MAPT: variants seen among roughly 807,000 people sequenced by gnomAD.
The protein encoded by MAPT is microtubule associated protein tau, also known as microtubule-associated protein tau.
MAPT carries 34 observed loss-of-function variants against 67.9 expected under a neutral mutation model. That is an observed-to-expected ratio of 0.50 (90% CI 0.38 to 0.67). MAPT has a LOEUF of 0.67. Among genes scored for constraint, MAPT ranks in the 30% least tolerant of loss-of-function variants. MAPT has a pLI of 0.00. For synonymous variants in MAPT, 456 were observed against 464.5 expected, an observed-to-expected ratio of 0.98 and a Z score of 0.23; for missense variants, 881 against 1,115.2, an observed-to-expected ratio of 0.79 and a Z score of 2.99.
intron 12 of MAPT, among the ~76,000 whole-genome samples, chr17:46,020,069 C>T (rs2146175019): frequency 6.7e-6 from 1 of 150,228 alleles, no homozygotes; most frequent in East Asian, 2.0e-4. Context: ...TTGCAGGCAA[C>T]TAAAAAAGGA....
intron 1 of MAPT, among the ~76,000 whole-genome samples, chr17:45,920,543 G>A (rs138593140): frequency 1.3e-5 from 2 of 152,252 alleles, no homozygotes; most frequent in East Asian, 1.9e-4. Context: ...CTGCTGAGCC[G>A]TGCACCTTCT....
chr17:45,962,170 G>A (rs1371151652), intron 1 of MAPT, among the ~76,000 whole-genome samples, 151 bp from the exon 2 acceptor site: 1 of 152,198 alleles, frequency 6.6e-6, no homozygotes, highest in African/African-American at 2.4e-5. Flanking sequence ...ATGGAGCACG[G>A]GATGAGGATG....
At chr17:45,957,041 A>G (rs1298421249) in intron 1 of MAPT, among the ~76,000 whole-genome samples, 2 of 152,108 alleles carry the variant, frequency 1.3e-5, no homozygotes, top group Non-Finnish European at 2.9e-5. Context: ...TATTGTGAAT[A>G]GTGCCGCAAT....
chr17:46,001,005 G>A (rs1009333928), intron 9 of MAPT, among the ~76,000 whole-genome samples: 2 of 152,208 alleles, frequency 1.3e-5, no homozygotes, highest in Non-Finnish European at 2.9e-5. Context: ...AAGGCAGAAG[G>A]ATCACTTGAG....
intron 12 of MAPT, among the ~76,000 whole-genome samples, chr17:46,022,342 A>AAT (rs1214715917): frequency 1.4e-5 from 2 of 146,754 alleles, no homozygotes. Context: ...TGACAAGGTG[A>AAT]ATCTTTGTCT....
At chr17:45,939,655 C>G (rs1030383495) in intron 1 of MAPT, among the ~76,000 whole-genome samples, 1 of 152,194 alleles carries the variant, frequency 6.6e-6, no homozygotes, top group Non-Finnish European at 1.5e-5. Context: ...ATTACTCGCT[C>G]TTTCTCTTGA....
At chr17:45,994,762 G>A (rs1184695561) in intron 8 of MAPT, among the ~76,000 whole-genome samples, 4 of 152,312 alleles carry the variant, frequency 2.6e-5, no homozygotes, top group Non-Finnish European at 5.9e-5. Flanking sequence ...TTGGGAGGCC[G>A]AGGCGGGTGG....
At chr17:45,966,218 G>A (rs935429044) in intron 2 of MAPT, among the ~76,000 whole-genome samples, 3 of 152,290 alleles carry the variant, frequency 2.0e-5, no homozygotes, top group East Asian at 1.9e-4. Context: ...ACTGGATGTG[G>A]GGTATACTGT....
At chr17:45,987,199 C>G in intron 6 of MAPT, 104 bp downstream of exon 6, 1 of 1,094,240 alleles carries the variant, frequency 9.1e-7, no homozygotes, top group Non-Finnish European at 1.4e-6. Flanking sequence ...GTATTTGTCA[C>G]TAAAGTACAG....
chr17:45,982,373 G>C (rs1452888802), intron 4 of MAPT, among the ~76,000 whole-genome samples: 1 of 151,468 alleles, frequency 6.6e-6, no homozygotes, highest in Non-Finnish European at 1.5e-5. Flanking sequence ...TGAGAGGTAG[G>C]GAGAGGAAAG....
intron 9 of MAPT, among the ~76,000 whole-genome samples, chr17:46,005,064 G>A (rs1027495653): frequency 3.9e-5 from 6 of 152,194 alleles, no homozygotes; most frequent in Non-Finnish European, 7.3e-5. Context: ...GATTACAGGC[G>A]TGAGCCACCG....
intron 1 of MAPT, among the ~76,000 whole-genome samples, chr17:45,920,785 C>T (rs62058962): frequency 0.14 from 21,799 of 151,974 alleles, 2,136 homozygotes; most frequent in Middle Eastern, 0.22. Flanking sequence ...GTGGGGCACC[C>T]CTGCAGGATC....
chr17:46,007,348 G>A (rs1475742280), intron 9 of MAPT, among the ~76,000 whole-genome samples: 7 of 151,838 alleles, frequency 4.6e-5, no homozygotes, highest in East Asian at 1.9e-4. Flanking sequence ...TTAGCTGGGC[G>A]TGGTAGCACA....
chr17:45,903,968 A>ATATATAATATATATTATATATTATATAT (rs2063899972), intron 1 of MAPT, among the ~76,000 whole-genome samples: 1 of 22,504 alleles, frequency 4.4e-5, no homozygotes, highest in East Asian at 1.8e-3. Context: ...ATTATATATT[A>ATATATAATATATATTATATATTATATAT]TATATTATAT....
intron 8 of MAPT, among the ~76,000 whole-genome samples, chr17:45,992,651 G>A (rs2074155761): frequency 6.6e-6 from 1 of 152,186 alleles, no homozygotes; most frequent in Non-Finnish European, 1.5e-5. Flanking sequence ...CACTTTGGGA[G>A]GCCAAGGTGG....
intron 9 of MAPT, among the ~76,000 whole-genome samples, chr17:46,008,928 A>G (rs1446213451): frequency 6.6e-6 from 1 of 152,224 alleles, no homozygotes; most frequent in African/African-American, 2.4e-5. Context: ...GATTACAGGC[A>G]TGGTGGCTTA....
At position 46,024,412 on chromosome 17, in the gene MAPT, T is replaced by TA. The variant is rs1555726075; in HGVS notation, c.*250dup. On this transcript the variant is annotated 3_prime_UTR_variant, in exon 13 of 13. Transcript: ENST00000262410. ...ATGGGTGGGCTAGTAATAAAATATTTAAAAAAAAACATTCAAAAACATGGC... is the reference window on the plus strand; with the variant it reads ...ATGGGTGGGCTAGTAATAAAATATTTAAAAAAAAAACATTCAAAAACATGGC... 1.5e-3 allele frequency: 852 copies of TA among 568,578 alleles called. 2 individuals carry two copies. The highest frequency in any genetic ancestry group is 2.4e-3 in the East Asian group (82 of 34,494). 35.2% of individuals were successfully genotyped at this position (568,578 alleles called of 1,614,324 possible).
At position 45,990,006 on chromosome 17, in the gene MAPT, C is replaced by G; in HGVS notation, c.1536C>G (p.Ser512=). The G allele has an allele frequency of 6.2e-7, 1 of 1,614,154 alleles. No individual in the cohort carries two copies. The highest frequency in any genetic ancestry group is 8.5e-7 in the Non-Finnish European group (1 of 1,180,032). The change falls in exon 7 of 13, where the codon TCC becomes TCG. Residue 512 remains serine, a synonymous_variant. Transcript: ENST00000262410. Reference sequence around the variant, plus strand: ...CTGCTGTGTGCCCAGAGCCACCTTCCTCTCCTAAATACGTCTCTTCTGTCA... The same window carrying G: ...CTGCTGTGTGCCCAGAGCCACCTTCGTCTCCTAAATACGTCTCTTCTGTCA... The part of the protein sequence containing the change: ...SSPAVCPEPP[S]SPKYVSSVTS...
intron 1 of MAPT, among the ~76,000 whole-genome samples, chr17:45,928,779 T>A (rs2066588402): frequency 6.6e-6 from 1 of 152,184 alleles, no homozygotes; most frequent in Admixed American, 6.5e-5. Flanking sequence ...CACTGCAAGC[T>A]CCGCCTCTCG....
Sources: allele counts gnomAD v4.1 joint callset (sites outside exome capture counted in the v4.1 genomes callset), GRCh38; gene constraint gnomAD v4.1.1; transcripts MANE v1.5; gene names NCBI Gene and HGNC (gene_info 2026-07-23, HGNC 2026-07-21).